CC2D2A: variants seen among roughly 807,000 people sequenced by gnomAD.
CC2D2A encodes the protein coiled-coil and C2 domain containing 2A.
Under a neutral mutation model 212.9 loss-of-function variants are expected in CC2D2A, and 155 were observed. That is an observed-to-expected ratio of 0.73 (90% CI 0.64 to 0.83). The LOEUF is 0.83. Ranked by LOEUF, CC2D2A falls within the 40% of genes least tolerant of loss-of-function variation. CC2D2A has a pLI of 0.00. For synonymous variants in CC2D2A, 667 were observed against 686.5 expected, an observed-to-expected ratio of 0.97 and a Z score of 0.44; for missense variants, 1,856 against 1,956.2, an observed-to-expected ratio of 0.95 and a Z score of 0.97.
At chr4:15,476,604 G>T (rs542914023) in intron 2 of CC2D2A, among the ~76,000 whole-genome samples, 1 of 152,302 alleles carries the variant, frequency 6.6e-6, no homozygotes, top group African/African-American at 2.4e-5. Context: ...AAGCTGTTTT[G>T]TCACGGTTCT....
In CC2D2A at chr4:15,538,109, A is replaced by C. The variant is rs1718234334; in HGVS notation, c.1975A>C (p.Ser659Arg). The change falls in exon 16 of 37, where the codon AGC becomes CGC. Residue 659 changes from serine to arginine, a missense_variant. Ser to Arg is a moderately radical substitution (Grantham distance 110, BLOSUM62 -1). Coordinates refer to ENST00000424120, the MANE Select transcript of CC2D2A (RefSeq NM_001378615.1). The stretch of plus-strand genomic sequence containing the variant: ...GGTCCCGGAGCTAAGCCTGGCAGGA[A>C]GCGTAACACCCAATGACCAGTGCCC... ...TLVPELSLAG[S>R]VTPNDQCPRA... 6.3e-7 allele frequency: 1 copy of C among 1,597,518 alleles called. No homozygotes were observed. Among genetic ancestry groups the C allele is most frequent in the Non-Finnish European group, 8.5e-7 (1 of 1,171,508 alleles).
intron 17 of CC2D2A, chr4:15,543,612 AGAG>A (rs1718568081): frequency 6.6e-6 from 1 of 152,220 alleles, no homozygotes; most frequent in South Asian, 2.1e-4. Context: ...TCTGCACTGG[AGAG>A]GAGAACTGGG....
rs143019830 is a variant in CC2D2A, at chr4:15,582,552, AAGAG to A, written c.3975+2383_3975+2386del. On this transcript the variant is annotated intron_variant, in intron 30 of 36. Transcript: ENST00000424120. ...ATAGCACAGAAATGCAAAGGATTAT[AAGAG>A]ACTTATTTGAACAATTATGAACCAA... is the stretch of plus-strand genomic sequence containing the variant. Among the ~76,000 whole-genome samples the A allele has an allele frequency of 4.6e-3, 700 of 152,278 alleles. 9 individuals are homozygous for A. The highest frequency in any genetic ancestry group is 0.016 in the African/African-American group (663 of 41,566).
At chr4:15,535,118 CT>C (rs1160763015) in intron 14 of CC2D2A, among the ~76,000 whole-genome samples, 2 of 152,200 alleles carry the variant, frequency 1.3e-5, no homozygotes, top group Non-Finnish European at 2.9e-5. Flanking sequence ...CACTTAGTAT[CT>C]GCTCAGTTAA....
chr4:15,589,528 T>C lies in CC2D2A; in HGVS notation c.4180-17T>C, dbSNP rs1162088326. The stretch of plus-strand genomic sequence containing the variant: ...ATAAATAGTTGAAAACTAGTTTTAA[T>C]GGCCATCTTCTTTCAGGGTCCAACT... On this transcript the variant is annotated splice_polypyrimidine_tract_variant and intron_variant, in intron 32 of 36. Transcript: ENST00000424120. The C allele has an allele frequency of 1.2e-6, 2 of 1,609,834 alleles. No individual in the cohort carries two copies. Among genetic ancestry groups the C allele is most frequent in the South Asian group, 2.2e-5 (2 of 90,526 alleles).
intron 19 of CC2D2A, among the ~76,000 whole-genome samples, 165 bp from the exon 20 acceptor site, chr4:15,554,907 A>C (rs1020324641): frequency 5.3e-5 from 8 of 152,238 alleles, no homozygotes; most frequent in African/African-American, 1.9e-4. Context: ...TATGTTTAAT[A>C]GCCATCATCA....
chr4:15,522,551 A>G (rs1717270886), intron 11 of CC2D2A, among the ~76,000 whole-genome samples: 2 of 152,116 alleles, frequency 1.3e-5, no homozygotes, highest in South Asian at 4.2e-4. Context: ...GTAGTTTTTA[A>G]AAGTGAAATA....
intron 3 of CC2D2A, among the ~76,000 whole-genome samples, chr4:15,480,234 G>A (rs1033935601): frequency 9.2e-5 from 14 of 152,220 alleles, no homozygotes; most frequent in African/African-American, 3.4e-4. Flanking sequence ...CCTCAAAGGT[G>A]TTATTGCAAA....
intron 36 of CC2D2A, 68 bp downstream of exon 36, chr4:15,599,774 T>G (rs1721499137): frequency 7.7e-7 from 1 of 1,306,762 alleles, no homozygotes; most frequent in East Asian, 2.4e-5. Context: ...TAGCCAATAA[T>G]AGGTTTCTGG....
intron 6 of CC2D2A, among the ~76,000 whole-genome samples, chr4:15,507,613 T>A (rs550775019): frequency 7.9e-5 from 12 of 152,166 alleles, no homozygotes; most frequent in Non-Finnish European, 1.5e-4. Flanking sequence ...AAAGGCAGAT[T>A]AATAGGAGAA....
intron 4 of CC2D2A, chr4:15,482,039 T>G: frequency 1.0e-6 from 1 of 985,448 alleles, no homozygotes; most frequent in Non-Finnish European, 1.2e-6. Context: ...GGCATTGCTT[T>G]TCATGAAAAG....
chr4:15,533,406 G>A, intron 14 of CC2D2A, 73 bp downstream of exon 14: 1 of 1,133,000 alleles, frequency 8.8e-7, no homozygotes, highest in Non-Finnish European at 1.2e-6. Context: ...CATGGATACA[G>A]TTTTAAAAGT....
intron 17 of CC2D2A, among the ~76,000 whole-genome samples, chr4:15,543,373 G>A (rs1408369827): frequency 6.6e-6 from 1 of 152,078 alleles, no homozygotes; most frequent in Non-Finnish European, 1.5e-5. Flanking sequence ...AACATAATAT[G>A]AGTGAGAGGA....
At chr4:15,561,200 C>A (rs17385985) in intron 23 of CC2D2A, among the ~76,000 whole-genome samples, 14,031 of 152,232 alleles carry the variant, frequency 0.092, 768 homozygotes, top group Non-Finnish European at 0.12. Context: ...GGATAATTGT[C>A]AAATGGCTTC....
At chr4:15,537,860 A>C in intron 15 of CC2D2A, 39 bp from the exon 16 acceptor site, 1 of 1,552,564 alleles carries the variant, frequency 6.4e-7, no homozygotes, top group Non-Finnish European at 8.7e-7. Flanking sequence ...TGAAATTCCA[A>C]AATTCCTGTT....
chr4:15,491,222 A>G (rs1183538043), intron 4 of CC2D2A, among the ~76,000 whole-genome samples: 1 of 152,172 alleles, frequency 6.6e-6, no homozygotes, highest in Non-Finnish European at 1.5e-5. Context: ...ACAACGTATG[A>G]AAGTTCCAGT....
At chr4:15,527,176 A>G (rs1023852251) in intron 11 of CC2D2A, among the ~76,000 whole-genome samples, 1 of 152,224 alleles carries the variant, frequency 6.6e-6, no homozygotes, top group African/African-American at 2.4e-5. Context: ...GATTAGAACT[A>G]CAACTTAGGC....
rs184506289 is a variant in CC2D2A, at chr4:15,552,896, C to T, written c.2339-262C>T. Among the ~76,000 whole-genome samples, 24 of 152,250 alleles carry T rather than the reference C, an allele frequency of 1.6e-4. No individual in the cohort carries two copies. The East Asian group carries it at 1.9e-3, about 12-fold the overall frequency. Reference sequence around the variant, plus strand: ...GGCTCAGAAAGTTAACTAATTTGTCCAAGGTCACAAAGCTGTGAAGCAGGT... The same window carrying T: ...GGCTCAGAAAGTTAACTAATTTGTCTAAGGTCACAAAGCTGTGAAGCAGGT... On this transcript the variant is annotated intron_variant, in intron 18 of 36. Coordinates refer to ENST00000424120, the MANE Select transcript of CC2D2A (RefSeq NM_001378615.1).
At chr4:15,574,008 G>C (rs1254324905) in intron 28 of CC2D2A, 142 bp from the exon 29 acceptor site, 1 of 636,296 alleles carries the variant, frequency 1.6e-6, no homozygotes, top group Non-Finnish European at 2.7e-6. Context: ...AGAGAGATGA[G>C]ATTAGAAAGA....
Sources: gnomAD v4.1 joint callset for allele counts (sites outside exome capture counted in the v4.1 genomes callset) on GRCh38, gnomAD v4.1.1 for gene constraint, MANE v1.5 for transcripts, NCBI Gene and HGNC (gene_info 2026-07-23, HGNC 2026-07-21) for gene names.